The following TANC1 variants were observed in gnomAD, a reference collection of about 807,000 sequenced individuals.
TANC1 encodes the protein tetratricopeptide repeat, ankyrin repeat and coiled-coil containing 1.
In TANC1, 77 loss-of-function variants were observed where a neutral mutation model predicts 149.7. The observed-to-expected ratio is 0.51, with a 90% CI of 0.43 to 0.62. The LOEUF is 0.62. Ranked by LOEUF, TANC1 falls within the 20% of genes least tolerant of loss-of-function variation. TANC1 has a pLI of 0.00. For synonymous variants in TANC1, 854 were observed against 925.0 expected, an observed-to-expected ratio of 0.92 and a Z score of 1.39; for missense variants, 1,985 against 2,321.8, an observed-to-expected ratio of 0.85 and a Z score of 2.98.
chr2:159,201,789 T>G lies in TANC1; in HGVS notation c.3244+2736T>G, dbSNP rs546693622. 4.1e-4 allele frequency among the ~76,000 whole-genome samples: 62 copies of G among 152,340 alleles called. No individual in the cohort carries two copies. The Middle Eastern group carries it at 0.017, about 42-fold the overall frequency. On this transcript the variant is annotated intron_variant, in intron 19 of 26. Coordinates refer to ENST00000263635, the MANE Select transcript of TANC1 (RefSeq NM_033394.3). ...CCTTAAGTATGTTTACACAAGTCTG[T>G]CCAGCATAGATTTAGCTGTGAACAG...
intron 5 of TANC1, among the ~76,000 whole-genome samples, chr2:159,143,239 G>A (rs745993043): frequency 2.4e-4 from 37 of 151,950 alleles, no homozygotes; most frequent in Non-Finnish European, 3.1e-4. Context: ...GAGATCTCTC[G>A]TAATGTGATG....
chr2:159,156,022 A>G (rs912213577), intron 7 of TANC1, among the ~76,000 whole-genome samples: 8 of 152,188 alleles, frequency 5.3e-5, no homozygotes, highest in African/African-American at 1.9e-4. Flanking sequence ...TTGTGCCCCA[A>G]GGGAGATAAT....
At chr2:159,076,838 T>C (rs918814899) in intron 3 of TANC1, among the ~76,000 whole-genome samples, 1 of 152,220 alleles carries the variant, frequency 6.6e-6, no homozygotes, top group Admixed American at 6.5e-5. Context: ...TGGTTTATAC[T>C]ATGTCTCCGG....
intron 5 of TANC1, among the ~76,000 whole-genome samples, chr2:159,143,223 T>G (rs2051624436): frequency 6.6e-6 from 1 of 152,176 alleles, no homozygotes; most frequent in Admixed American, 6.5e-5. Context: ...CCAAGACTTT[T>G]CAATTGAGAT....
chr2:159,118,211 C>T (rs1451788935), intron 4 of TANC1, among the ~76,000 whole-genome samples: 1 of 152,148 alleles, frequency 6.6e-6, no homozygotes. Flanking sequence ...TTCCTTCCCT[C>T]CCCCTTCCAT....
chr2:159,219,480 A>C (rs886332060), intron 21 of TANC1, 119 bp downstream of exon 21: 2 of 1,463,230 alleles, frequency 1.4e-6, no homozygotes, highest in Non-Finnish European at 1.9e-6. Flanking sequence ...ATTTTCTAAT[A>C]AACAGTAGAG....
Position 159,019,271 on chromosome 2 carries a change from G to A in TANC1, c.-16+18082G>A, listed in dbSNP as rs551991434. On this transcript the variant is annotated intron_variant, in intron 2 of 26. Coordinates refer to ENST00000263635, the MANE Select transcript of TANC1 (RefSeq NM_033394.3). ...CCAGCAGCCACGCAGTGAGCTGAAG[G>A]AAGCAGCCAGCGATCTTCAGCCCGT... Among the ~76,000 whole-genome samples the A allele has an allele frequency of 2.6e-5, 4 of 152,354 alleles. No homozygotes were observed. The South Asian group carries it at 8.3e-4, about 32-fold the overall frequency.
At chr2:159,220,431 C>T (rs1473968959) in intron 22 of TANC1, among the ~76,000 whole-genome samples, 1 of 151,394 alleles carries the variant, frequency 6.6e-6, no homozygotes, top group African/African-American at 2.4e-5. Context: ...CCTCAGCCTC[C>T]TGAGTAGCTG....
chr2:158,984,679 T>TAGGGGG, intron 1 of TANC1, among the ~76,000 whole-genome samples: 1 of 143,670 alleles, frequency 7.0e-6, no homozygotes, highest in East Asian at 2.0e-4. Context: ...GGAGGAGGAG[T>TAGGGGG]AGGGGGAGGA....
In TANC1 at chr2:159,056,255, T is replaced by C. The variant is rs1337811898; in HGVS notation, c.-15-9641T>C. On this transcript the variant is annotated intron_variant, in intron 2 of 26. Transcript: ENST00000263635. ...CAGGAACATGGAGAATTGTTTCAGT[T>C]GTTCAGGTAGCTGTTCCAAGTACTG... is the stretch of plus-strand genomic sequence containing the variant. The C allele has an allele frequency of 1.3e-5, 3 of 230,524 alleles. No homozygotes were observed. In the East Asian group the frequency reaches 3.2e-4, roughly 24 times the overall value. 14.3% of individuals were successfully genotyped at this position (230,524 alleles called of 1,614,324 possible).
chr2:159,149,682 A>G (rs567467124), intron 6 of TANC1: 3 of 211,880 alleles, frequency 1.4e-5, no homozygotes, highest in Admixed American at 5.3e-5. Context: ...GAAAAGATTT[A>G]TAGGAGATGA....
chr2:158,974,291 CA>C (rs1164833963), intron 1 of TANC1, among the ~76,000 whole-genome samples: 2 of 152,162 alleles, frequency 1.3e-5, no homozygotes, highest in Non-Finnish European at 2.9e-5. Flanking sequence ...CAATAGTTTA[CA>C]ACATTATAAC....
chr2:159,031,797 A>T (rs1402744885), intron 2 of TANC1, among the ~76,000 whole-genome samples: 1 of 152,108 alleles, frequency 6.6e-6, no homozygotes, highest in Non-Finnish European at 1.5e-5. Context: ...GGGAAAACTC[A>T]CCCTAGCCTC....
intron 19 of TANC1, among the ~76,000 whole-genome samples, chr2:159,200,211 A>G (rs1352930821): frequency 4.6e-5 from 7 of 152,214 alleles, no homozygotes; most frequent in Non-Finnish European, 8.8e-5. Context: ...TAAGAGCATG[A>G]CTGCTGACAG....
intron 2 of TANC1, among the ~76,000 whole-genome samples, chr2:159,002,874 G>A (rs1395188449): frequency 6.6e-6 from 1 of 152,214 alleles, no homozygotes; most frequent in Non-Finnish European, 1.5e-5. Flanking sequence ...ATAAAAAGAT[G>A]TCTCATGGCA....
At chr2:158,978,884 T>A (rs1411904368) in intron 1 of TANC1, among the ~76,000 whole-genome samples, 1 of 152,206 alleles carries the variant, frequency 6.6e-6, no homozygotes, top group East Asian at 1.9e-4. Flanking sequence ...TAAAGTGTTT[T>A]GAACATTATA....
At chr2:159,184,322 A>G (rs577448622) in intron 14 of TANC1, among the ~76,000 whole-genome samples, 1 of 152,330 alleles carries the variant, frequency 6.6e-6, no homozygotes, top group East Asian at 1.9e-4. Context: ...ACAGGAGGGC[A>G]GGGAGGAACT....
intron 19 of TANC1, among the ~76,000 whole-genome samples, chr2:159,210,655 C>G (rs1006767924): frequency 6.6e-6 from 1 of 152,028 alleles, no homozygotes; most frequent in Non-Finnish European, 1.5e-5. Flanking sequence ...CAAGCTCTGC[C>G]TCCTGGGTTC....
chr2:159,059,936 T>G (rs1335402176), intron 2 of TANC1, among the ~76,000 whole-genome samples: 36 of 87,336 alleles, frequency 4.1e-4, no homozygotes, highest in Admixed American at 9.1e-4. Flanking sequence ...GTGTGGTTTT[T>G]TGTTGTTGTT....
Sources: gnomAD v4.1 joint callset for allele counts (sites outside exome capture counted in the v4.1 genomes callset) on GRCh38, gnomAD v4.1.1 for gene constraint, MANE v1.5 for transcripts, NCBI Gene and HGNC (gene_info 2026-07-23, HGNC 2026-07-21) for gene names.